UBE2H: variants seen among roughly 807,000 people sequenced by gnomAD.
UBE2H encodes the protein ubiquitin conjugating enzyme E2 H.
UBE2H carries 3 observed loss-of-function variants against 29.0 expected under a neutral mutation model. The observed-to-expected ratio is 0.10, with a 90% CI of 0.05 to 0.27. The LOEUF is 0.27. UBE2H is among the 10% of genes least tolerant of loss of function. The probability of loss-of-function intolerance (pLI) is 1.00; values close to 1 mark genes in which losing one functional copy is unlikely to be tolerated. For synonymous variants in UBE2H, 69 were observed against 82.9 expected (o/e 0.83, Z 0.91); for missense variants, 68 against 228.2 (o/e 0.30, Z 4.52).
At chr7:129,920,060 T>A (rs10239779) in intron 1 of UBE2H, among the ~76,000 whole-genome samples, 44 of 152,344 alleles carry the variant, frequency 2.9e-4, no homozygotes, top group African/African-American at 9.9e-4. Flanking sequence ...GTTACATACA[T>A]TAGACTATTA....
At chr7:129,882,575 C>A (rs775590811) in intron 1 of UBE2H, among the ~76,000 whole-genome samples, 89 of 152,270 alleles carry the variant, frequency 5.8e-4, no homozygotes, top group Middle Eastern at 3.4e-3. Context: ...TCAGTCTAGG[C>A]TAATTTGATC....
At chr7:129,935,521 T>C (rs1479309589) in intron 1 of UBE2H, among the ~76,000 whole-genome samples, 4 of 152,040 alleles carry the variant, frequency 2.6e-5, no homozygotes, top group Admixed American at 6.6e-5. Flanking sequence ...AAAGCTTCCA[T>C]AAATCAGGCA....
At chr7:129,861,882 C>T (rs577531008) in intron 3 of UBE2H, among the ~76,000 whole-genome samples, 113 of 152,170 alleles carry the variant, frequency 7.4e-4, no homozygotes, top group Admixed American at 1.4e-3. Flanking sequence ...AGCTAGACTC[C>T]GTTTCCAAAA....
chr7:129,863,583 A>AT (rs1462347714), intron 3 of UBE2H, among the ~76,000 whole-genome samples: 1 of 152,210 alleles, frequency 6.6e-6, no homozygotes, highest in Non-Finnish European at 1.5e-5. Flanking sequence ...CTTAAAGGAA[A>AT]TTAATTCTGT....
chr7:129,872,354 G>A (rs1806056178), intron 3 of UBE2H, among the ~76,000 whole-genome samples: 1 of 152,080 alleles, frequency 6.6e-6, no homozygotes, highest in South Asian at 2.1e-4. Flanking sequence ...GAAGACATAA[G>A]ATAAAATGGT....
rs1282290790 is a variant in UBE2H at position 129,867,732 on chromosome 7, A to C, written c.206-8791T>G. ...AAAAAAAAAAAGAAAACCAAAAAAA[A>C]AAAAAAAAAAGAAGACCATCCTTTC... On this transcript the variant is annotated intron_variant, in intron 3 of 6. Transcript: ENST00000355621. 5.4e-4 allele frequency among the ~76,000 whole-genome samples: 73 copies of C among 134,222 alleles called. 1 individual carries two copies. In the East Asian group the frequency reaches 0.014, roughly 25 times the overall value. The allele number at this position is 134,222 out of a possible 152,430, so 88.1% of individuals were successfully genotyped here.
At chr7:129,924,982 C>G (rs1807236628) in intron 1 of UBE2H, among the ~76,000 whole-genome samples, 1 of 151,982 alleles carries the variant, frequency 6.6e-6, no homozygotes, top group Admixed American at 6.6e-5. Flanking sequence ...TTTTGTTTTC[C>G]TTTAATGCTC....
intron 6 of UBE2H, among the ~76,000 whole-genome samples, chr7:129,837,302 G>A (rs1805348992): frequency 6.6e-6 from 1 of 152,200 alleles, no homozygotes; most frequent in Admixed American, 6.5e-5. Flanking sequence ...CAGGGACCGA[G>A]TCCTAAGTGA....
intron 5 of UBE2H, among the ~76,000 whole-genome samples, chr7:129,844,225 C>T (rs891364506): frequency 1.3e-5 from 2 of 152,184 alleles, no homozygotes; most frequent in African/African-American, 4.8e-5. Context: ...GTGAAGATGA[C>T]AACTTCGGGA....
In UBE2H at chr7:129,892,185, G is replaced by C. The variant is rs769464429; in HGVS notation, c.54-11214C>G. 1.8e-4 allele frequency among the ~76,000 whole-genome samples: 28 copies of C among 152,022 alleles called. No individual in the cohort carries two copies. In the South Asian group the frequency reaches 2.1e-3, roughly 11 times the overall value. Reference sequence around the variant, plus strand: ...AGGATGGTCTCAATCTCCTGATCTCGTGATCCGCCCGCCTCGGCCTCCCAA... The same window carrying C: ...AGGATGGTCTCAATCTCCTGATCTCCTGATCCGCCCGCCTCGGCCTCCCAA... On this transcript the variant is annotated intron_variant, in intron 1 of 6. Transcript: ENST00000355621.
rs894136113 is a variant in UBE2H at position 129,870,955 on chromosome 7, G to C, written c.205+8613C>G. On this transcript the variant is annotated intron_variant, in intron 3 of 6. Transcript: ENST00000355621. ...GAAAGCTCTTACCCCTGATTTTGGA[G>C]GATCAGGGCTGGTTTTTGTTTTGTT... is the stretch of plus-strand genomic sequence containing the variant. Among the ~76,000 whole-genome samples, 3 of 152,134 alleles carry C rather than the reference G, an allele frequency of 2.0e-5. No individual in the cohort carries two copies. The South Asian group carries it at 6.2e-4, about 32-fold the overall frequency.
intron 1 of UBE2H, among the ~76,000 whole-genome samples, chr7:129,946,698 T>G (rs1322040546): frequency 1.3e-5 from 2 of 152,204 alleles, no homozygotes; most frequent in Admixed American, 6.5e-5. Context: ...CGGGCTGGAG[T>G]GCAGTGGTGC....
At chr7:129,944,623 C>T (rs62489377) in intron 1 of UBE2H, among the ~76,000 whole-genome samples, 1 of 151,714 alleles carries the variant, frequency 6.6e-6, no homozygotes, top group Non-Finnish European at 1.5e-5. Context: ...CAAGTGGCCA[C>T]GACTGCAGTG....
At chr7:129,926,164 T>G (rs972506734) in intron 1 of UBE2H, among the ~76,000 whole-genome samples, 1 of 152,174 alleles carries the variant, frequency 6.6e-6, no homozygotes, top group African/African-American at 2.4e-5. Context: ...AAGTCTATGA[T>G]TTTTTCTTTT....
chr7:129,938,854 A>G (rs1039230353), intron 1 of UBE2H, among the ~76,000 whole-genome samples: 1 of 151,316 alleles, frequency 6.6e-6, no homozygotes, highest in Non-Finnish European at 1.5e-5. Context: ...GCTGGAGTGC[A>G]GTGATGCGAT....
intron 3 of UBE2H, among the ~76,000 whole-genome samples, chr7:129,868,530 A>T (rs1411009166): frequency 7.6e-6 from 1 of 132,386 alleles, no homozygotes; most frequent in African/African-American, 2.8e-5. Flanking sequence ...CAGTGAGCCG[A>T]GATTGCGCCA....
intron 3 of UBE2H, among the ~76,000 whole-genome samples, chr7:129,873,254 C>G (rs542652827): frequency 1.3e-5 from 2 of 151,628 alleles, no homozygotes; most frequent in South Asian, 2.1e-4. Context: ...CTCCTGACCT[C>G]GTGATCCACC....
intron 1 of UBE2H, among the ~76,000 whole-genome samples, chr7:129,891,757 T>A (rs62491520): frequency 0.066 from 9,879 of 150,206 alleles, 533 homozygotes; most frequent in East Asian, 0.25. Context: ...GCCGAGATCA[T>A]GCCATTGTAC....
chr7:129,932,579 G>T (rs866411231), intron 1 of UBE2H, among the ~76,000 whole-genome samples: 1 of 150,732 alleles, frequency 6.6e-6, no homozygotes, highest in South Asian at 2.1e-4. Flanking sequence ...TCGAGACCAC[G>T]CTGGCTAACA....
Sources: gnomAD v4.1 joint callset for allele counts (sites outside exome capture counted in the v4.1 genomes callset) on GRCh38, gnomAD v4.1.1 for gene constraint, MANE v1.5 for transcripts, NCBI Gene and HGNC (gene_info 2026-07-23, HGNC 2026-07-21) for gene names.